Variants in POT1 observed in about 807,000 individuals in gnomAD.
The protein encoded by POT1 is protection of telomeres 1, also known as protection of telomeres protein 1.
Under a neutral mutation model 78.5 loss-of-function variants are expected in POT1, and 47 were observed. That is an observed-to-expected ratio of 0.60 (90% CI 0.47 to 0.76). POT1 has a LOEUF of 0.76. POT1 is among the 30% of genes least tolerant of loss of function. The pLI is 0.00. For synonymous variants in POT1, 259 were observed against 260.7 expected (o/e 0.99, Z 0.06); for missense variants, 646 against 749.9 (o/e 0.86, Z 1.62).
rs192968940 is a variant in POT1, at chr7:124,897,091, T to C, written c.9+74A>G. 1.4e-5 allele frequency: 12 copies of C among 862,128 alleles called. No individual in the cohort carries two copies. The East Asian group carries it at 3.2e-4, about 23-fold the overall frequency. 53.4% of individuals were successfully genotyped at this position (862,128 alleles called of 1,614,324 possible). On this transcript the variant is annotated intron_variant, in intron 5 of 18. Transcript: ENST00000357628. ...GACTACAAAGTGGACTGAATATACATACACATGTATCTATGTGTGTGGCAT... is the reference window on the plus strand; with the variant it reads ...GACTACAAAGTGGACTGAATATACACACACATGTATCTATGTGTGTGGCAT...
intron 4 of POT1, among the ~76,000 whole-genome samples, chr7:124,897,767 C>CT (rs1796527873): frequency 6.6e-6 from 1 of 151,790 alleles, no homozygotes; most frequent in African/African-American, 2.4e-5. Context: ...AGATGTTGGC[C>CT]TGCAGGCTTT....
Position 124,870,867 on chromosome 7 carries a change from G to A in POT1, c.255+44C>T, listed in dbSNP as rs554076006. On this transcript the variant is annotated intron_variant, in intron 7 of 18. Coordinates refer to ENST00000357628, the MANE Select transcript of POT1 (RefSeq NM_015450.3). ...AACTAGTTTCAGTGAACAATACAGA[G>A]TTCTCTTCAAATAAATATAAGTTCT... 4 of 1,480,916 alleles carry A rather than the reference G, an allele frequency of 2.7e-6. No individual in the cohort carries two copies. In the African/African-American group the frequency reaches 4.2e-5, roughly 16 times the overall value. The allele number at this position is 1,480,916 out of a possible 1,614,324, so 91.7% of individuals were successfully genotyped here. A position where few individuals can be genotyped will look rare whatever the true frequency, so the allele number is the denominator to read the frequency against.
chr7:124,841,974 T>G, intron 13 of POT1, among the ~76,000 whole-genome samples: 1 of 152,084 alleles, frequency 6.6e-6, no homozygotes, highest in African/African-American at 2.4e-5. Context: ...GATTTTAAAA[T>G]AAAAAATTTC....
At chr7:124,832,339 A>G (rs1227425080) in intron 15 of POT1, among the ~76,000 whole-genome samples, 3 of 151,512 alleles carry the variant, frequency 2.0e-5, no homozygotes, top group Non-Finnish European at 4.4e-5. Context: ...AATTGTTGTG[A>G]TGTTACTTTT....
chr7:124,849,798 C>G (rs2116494050), intron 11 of POT1, among the ~76,000 whole-genome samples: 1 of 151,470 alleles, frequency 6.6e-6, no homozygotes, highest in Non-Finnish European at 1.5e-5. Flanking sequence ...ATGAATTAGC[C>G]CAGAAAAAAA....
chr7:124,835,508 T>C, intron 14 of POT1, 94 bp from the exon 15 acceptor site: 1 of 1,330,920 alleles, frequency 7.5e-7, no homozygotes, highest in Non-Finnish European at 1.0e-6. Flanking sequence ...AATAAAAGAC[T>C]AAAGGAATTG....
At chr7:124,875,546 T>C (rs1795969373) in intron 6 of POT1, among the ~76,000 whole-genome samples, 1 of 152,152 alleles carries the variant, frequency 6.6e-6, no homozygotes, top group Admixed American at 6.5e-5. Context: ...GTGAGAACAC[T>C]GATGGAGGAA....
intron 6 of POT1, among the ~76,000 whole-genome samples, chr7:124,878,735 C>T (rs1796049406): frequency 6.6e-6 from 1 of 151,988 alleles, no homozygotes; most frequent in African/African-American, 2.4e-5. Flanking sequence ...AAAGAAAAGG[C>T]ATTAAAAATC....
At chr7:124,883,755 CAT>C (rs1252792486) in intron 6 of POT1, among the ~76,000 whole-genome samples, 4 of 151,844 alleles carry the variant, frequency 2.6e-5, no homozygotes, top group African/African-American at 4.8e-5. Context: ...CTTGTCATCA[CAT>C]GTGTATGACT....
In POT1 at chr7:124,883,733, T is replaced by C. The variant is rs187507992; in HGVS notation, c.124+8533A>G. 1.3e-3 allele frequency among the ~76,000 whole-genome samples: 199 copies of C among 152,076 alleles called. 1 individual carries two copies. The highest frequency in any genetic ancestry group is 0.011 in the East Asian group (57 of 5,188). On this transcript the variant is annotated intron_variant, in intron 6 of 18. Coordinates refer to ENST00000357628, the MANE Select transcript of POT1 (RefSeq NM_015450.3). ...GTATGTGTTGTATATTTTTCTAGGATAGGTTCTATAACTTGTCATCACATG... is the reference window on the plus strand; with the variant it reads ...GTATGTGTTGTATATTTTTCTAGGACAGGTTCTATAACTTGTCATCACATG...
intron 2 of POT1, among the ~76,000 whole-genome samples, chr7:124,927,611 TTCAC>T (rs1453507173): frequency 6.6e-6 from 1 of 152,164 alleles, no homozygotes; most frequent in Non-Finnish European, 1.5e-5. Flanking sequence ...ACTACTTTCT[TTCAC>T]TGACTCCTTC....
At chr7:124,838,869 T>A (rs781576873) in intron 14 of POT1, among the ~76,000 whole-genome samples, 15 of 152,238 alleles carry the variant, frequency 9.9e-5, no homozygotes, top group Non-Finnish European at 1.8e-4. Flanking sequence ...CCTCCCAAAG[T>A]GCTAAGATTA....
chr7:124,915,311 T>A (rs976376622), intron 3 of POT1, among the ~76,000 whole-genome samples: 1 of 152,168 alleles, frequency 6.6e-6, no homozygotes, highest in Admixed American at 6.5e-5. Flanking sequence ...ATTCTCCCTG[T>A]GTAAGAACAA....
In POT1 at chr7:124,823,260, T is replaced by C. The variant is rs1794548539; in HGVS notation, c.*702A>G. On this transcript the variant is annotated 3_prime_UTR_variant, in exon 19 of 19. Transcript: ENST00000357628. ...GGGCAAATAAATGAAACAGTTGAAA[T>C]GTGTGCACTTATTTATTCTTCACTA... 1 of 152,104 alleles carries C rather than the reference T, an allele frequency of 6.6e-6. No homozygotes were observed. The highest frequency in any genetic ancestry group is 2.4e-5 in the African/African-American group (1 of 41,456). The allele number at this position is 152,104 out of a possible 1,614,324, so 9.4% of individuals were successfully genotyped here.
rs779435986 is a variant in POT1 at position 124,842,896 on chromosome 7, T to G, written c.1074A>C (p.Gln358His). ...TCAATTTTGCTCGGATGCGGTATTG[T>G]TGAGGAGCTTTTTGTTTCAAAATGG... ...LCAILKQKAPQQYRIRAKLRS... is the reference protein window; with the variant it reads ...LCAILKQKAPHQYRIRAKLRS... The change falls in exon 13 of 19, where the codon CAA becomes CAC. Residue 358 changes from glutamine (Q) to histidine (H), a missense_variant. Around this residue, in one of 2 missense-constraint regions of POT1, gnomAD observed 394 missense variants for 408.4 expected, o/e 0.96. Coordinates refer to ENST00000357628, the MANE Select transcript of POT1 (RefSeq NM_015450.3). 6.2e-7 allele frequency: 1 copy of G among 1,609,486 alleles called. No homozygotes were observed. The highest frequency in any genetic ancestry group is 2.2e-5 in the East Asian group (1 of 44,634).
intron 6 of POT1, among the ~76,000 whole-genome samples, chr7:124,880,425 T>TTTAATG (rs1216049699): frequency 6.6e-6 from 1 of 152,116 alleles, no homozygotes. Context: ...AATAGTTTAA[T>TTTAATG]TTAATGTTAA....
intron 6 of POT1, among the ~76,000 whole-genome samples, chr7:124,873,823 T>C (rs560497851): frequency 1.3e-5 from 2 of 151,204 alleles, no homozygotes; most frequent in Non-Finnish European, 3.0e-5. Context: ...GAAAGGAGAG[T>C]GGAAGAAAAT....
chr7:124,885,688 C>T (rs1360879044), intron 6 of POT1, among the ~76,000 whole-genome samples: 2 of 152,050 alleles, frequency 1.3e-5, no homozygotes, highest in East Asian at 3.9e-4. Context: ...ATGGCGTGAA[C>T]CCAGGAGGCG....
At chr7:124,910,516 T>C (rs1403484986) in intron 3 of POT1, among the ~76,000 whole-genome samples, 1 of 151,822 alleles carries the variant, frequency 6.6e-6, no homozygotes, top group Non-Finnish European at 1.5e-5. Context: ...AATATAATAT[T>C]ATTAGTTAAA....
Sources: gnomAD v4.1 joint callset for allele counts (sites outside exome capture counted in the v4.1 genomes callset) on GRCh38, gnomAD v4.1.1 for gene constraint, gnomAD v4.1.1 regional missense constraint, MANE v1.5 for transcripts, NCBI Gene and HGNC (gene_info 2026-07-23, HGNC 2026-07-21) for gene names.